Variants in CACHD1 observed in about 807,000 individuals in gnomAD.
The protein encoded by CACHD1 is VWFA and cache domain-containing protein 1.
In CACHD1, 71 loss-of-function variants were observed where a neutral mutation model predicts 138.7. The observed-to-expected ratio is 0.51, with a 90% CI of 0.42 to 0.62. The LOEUF (loss-of-function observed/expected upper bound fraction) is 0.62, where lower values mean the gene tolerates loss of function less well. CACHD1 is among the 20% of genes least tolerant of loss of function. CACHD1 has a pLI of 0.00. For missense variants in CACHD1, 1,389 were observed against 1,625.3 expected, an observed-to-expected ratio of 0.85 and a Z score of 2.50; for synonymous variants, 578 against 591.5, an observed-to-expected ratio of 0.98 and a Z score of 0.33.
intron 3 of CACHD1, among the ~76,000 whole-genome samples, chr1:64,589,151 A>G (rs1189412210): frequency 2.0e-5 from 3 of 152,174 alleles, no homozygotes; most frequent in East Asian, 3.9e-4. Context: ...ACCATTGTCA[A>G]ATTGGATTCC....
At chr1:64,584,599 C>T (rs1023215875) in intron 3 of CACHD1, among the ~76,000 whole-genome samples, 5 of 152,156 alleles carry the variant, frequency 3.3e-5, no homozygotes, top group Admixed American at 3.3e-4. Flanking sequence ...GCTCTCTCAT[C>T]TTTATTCCCA....
intron 1 of CACHD1, among the ~76,000 whole-genome samples, chr1:64,513,247 G>A (rs1646435410): frequency 6.6e-6 from 1 of 152,126 alleles, no homozygotes. Context: ...CAACCTCTCT[G>A]GCCTCTACCC....
intron 26 of CACHD1, among the ~76,000 whole-genome samples, chr1:64,690,156 T>C (rs1190500566): frequency 2.6e-5 from 4 of 152,236 alleles, no homozygotes; most frequent in Non-Finnish European, 5.9e-5. Context: ...TGTCTTCCAG[T>C]GCCCAACACA....
chr1:64,531,172 T>C (rs1001852044), intron 1 of CACHD1, among the ~76,000 whole-genome samples: 1 of 152,204 alleles, frequency 6.6e-6, no homozygotes, highest in Non-Finnish European at 1.5e-5. Flanking sequence ...AAAAGCATTC[T>C]TATTTCCTGC....
chr1:64,570,874 G>A (rs993636794), intron 2 of CACHD1, among the ~76,000 whole-genome samples: 4 of 151,854 alleles, frequency 2.6e-5, no homozygotes, highest in Admixed American at 2.0e-4. Context: ...GGGCGGGCGG[G>A]GGTGAGGGTG....
intron 13 of CACHD1, among the ~76,000 whole-genome samples, chr1:64,659,796 A>G (rs1649384400): frequency 6.6e-6 from 1 of 152,236 alleles, no homozygotes; most frequent in Admixed American, 6.5e-5. Flanking sequence ...TTAATAACGA[A>G]GAATCATCAC....
At chr1:64,673,640 T>C (rs960650756) in intron 19 of CACHD1, among the ~76,000 whole-genome samples, 176 bp downstream of exon 19, 2 of 152,230 alleles carry the variant, frequency 1.3e-5, no homozygotes, top group African/African-American at 2.4e-5. Flanking sequence ...TTGGGAGATA[T>C]AAAGCTCAGA....
chr1:64,674,075 C>T (rs1415966169), intron 19 of CACHD1, among the ~76,000 whole-genome samples: 1 of 59,078 alleles, frequency 1.7e-5, no homozygotes. Context: ...AAGCTATTTA[C>T]AGGAAGTAGG....
chr1:64,651,119 C>G (rs952281610), intron 9 of CACHD1, among the ~76,000 whole-genome samples: 1 of 152,018 alleles, frequency 6.6e-6, no homozygotes, highest in African/African-American at 2.4e-5. Flanking sequence ...TGGCCTGTTA[C>G]CTAAGTACGG....
intron 1 of CACHD1, among the ~76,000 whole-genome samples, chr1:64,531,397 CA>C (rs1646584111): frequency 6.6e-6 from 1 of 152,136 alleles, no homozygotes; most frequent in Non-Finnish European, 1.5e-5. Flanking sequence ...GAAATCCCAG[CA>C]AACATCTAAT....
intron 1 of CACHD1, among the ~76,000 whole-genome samples, chr1:64,540,899 G>T (rs542328417): frequency 2.6e-5 from 4 of 152,326 alleles, no homozygotes; most frequent in African/African-American, 4.8e-5. Context: ...GGTTTGTAGG[G>T]TGTTAAAGTT....
chr1:64,538,499 G>T (rs1646652539), intron 1 of CACHD1, among the ~76,000 whole-genome samples: 1 of 152,182 alleles, frequency 6.6e-6, no homozygotes. Context: ...CAATGGTAGA[G>T]TAGAAATTTT....
chr1:64,595,695 A>G (rs1218397639), intron 3 of CACHD1, among the ~76,000 whole-genome samples: 1 of 152,200 alleles, frequency 6.6e-6, no homozygotes, highest in Non-Finnish European at 1.5e-5. Flanking sequence ...CAATTTTCCA[A>G]GCTTTTATGA....
intron 16 of CACHD1, 60 bp from the exon 17 acceptor site, chr1:64,671,504 A>G: frequency 1.3e-6 from 2 of 1,582,830 alleles, no homozygotes; most frequent in Non-Finnish European, 1.7e-6. Flanking sequence ...GTGACTGAAC[A>G]TAGCTTTTAT....
intron 26 of CACHD1, 105 bp downstream of exon 26, chr1:64,682,211 C>T (rs933785228): frequency 2.1e-6 from 2 of 938,014 alleles, no homozygotes; most frequent in Non-Finnish European, 3.4e-6. Context: ...AGACACACCC[C>T]AGCATGCCAC....
intron 23 of CACHD1, among the ~76,000 whole-genome samples, chr1:64,679,148 C>G (rs994052570): frequency 1.3e-5 from 2 of 152,168 alleles, no homozygotes; most frequent in Non-Finnish European, 2.9e-5. Context: ...CACAAATGGC[C>G]TTTTAAAGGA....
chr1:64,612,825 A>G (rs1197823330), intron 4 of CACHD1, among the ~76,000 whole-genome samples: 1 of 152,238 alleles, frequency 6.6e-6, no homozygotes, highest in Non-Finnish European at 1.5e-5. Flanking sequence ...TCTGCAGCCA[A>G]TGGATCAAGG....
chr1:64,536,967 T>C (rs1646637520), intron 1 of CACHD1, among the ~76,000 whole-genome samples: 1 of 152,176 alleles, frequency 6.6e-6, no homozygotes, highest in Non-Finnish European at 1.5e-5. Context: ...TAATTTGTTC[T>C]GGGTTACACA....
At chr1:64,570,570 G>A (rs1646919273) in intron 2 of CACHD1, among the ~76,000 whole-genome samples, 2 of 152,124 alleles carry the variant, frequency 1.3e-5, no homozygotes, top group African/African-American at 4.8e-5. Flanking sequence ...AAGCAGGCAT[G>A]CCCCAGTTCT....
Sources: gnomAD v4.1 joint callset for allele counts (sites outside exome capture counted in the v4.1 genomes callset) on GRCh38, gnomAD v4.1.1 for gene constraint, MANE v1.5 for transcripts, NCBI Gene and HGNC (gene_info 2026-07-23, HGNC 2026-07-21) for gene names.